The following ZNF28 variants were observed in gnomAD, a reference collection of about 807,000 sequenced individuals.
ZNF28 encodes the protein zinc finger protein KOX24.
In ZNF28, 5 loss-of-function variants were observed where a neutral mutation model predicts 7.2. That is an observed-to-expected ratio of 0.70 (90% CI 0.36 to 1.46). The LOEUF (loss-of-function observed/expected upper bound fraction) is 1.46, where lower values mean the gene tolerates loss of function less well. Among genes scored for constraint, ZNF28 ranks in the 40% most tolerant of loss-of-function variants. The pLI is 0.03. For synonymous variants in ZNF28, 288 were observed against 292.4 expected (o/e 0.99, Z 0.15); for missense variants, 879 against 866.6 (o/e 1.01, Z -0.18).
At chr19:52,818,195 C>T (rs141913353) in intron 1 of ZNF28, among the ~76,000 whole-genome samples, 164 bp from the exon 2 acceptor site, 3,690 of 152,286 alleles carry the variant, frequency 0.024, 75 homozygotes, top group Non-Finnish European at 0.038. Flanking sequence ...CCACTCTACT[C>T]CTGGAGAAGC....
intron 2 of ZNF28, among the ~76,000 whole-genome samples, chr19:52,809,259 C>T (rs4802999): frequency 0.87 from 132,459 of 151,612 alleles, 58,101 homozygotes; most frequent in East Asian, 0.91. Flanking sequence ...GTAATGCGGA[C>T]GTGCACAGAG....
chr19:52,811,062 G>GT (rs751626547), intron 2 of ZNF28, among the ~76,000 whole-genome samples: 2,883 of 142,112 alleles, frequency 0.02, 31 homozygotes, highest in Non-Finnish European at 0.025. Context: ...ACTGGTTTTC[G>GT]TTTTTTTTTT....
At chr19:52,807,610 G>A (rs531247817) in intron 3 of ZNF28, among the ~76,000 whole-genome samples, 1 of 152,294 alleles carries the variant, frequency 6.6e-6, no homozygotes, top group African/African-American at 2.4e-5. Context: ...TAGGAGCTGG[G>A]ATTACACATA....
intron 2 of ZNF28, among the ~76,000 whole-genome samples, chr19:52,817,723 C>A (rs1211133678): frequency 6.6e-6 from 1 of 152,096 alleles, no homozygotes; most frequent in Non-Finnish European, 1.5e-5. Flanking sequence ...GGGTGTGAGA[C>A]CTTCCCAGGA....
At chr19:52,808,399 T>G (rs2062965077) in intron 2 of ZNF28, among the ~76,000 whole-genome samples, 1 of 152,170 alleles carries the variant, frequency 6.6e-6, no homozygotes, top group East Asian at 1.9e-4. Context: ...TGTTTGAAAC[T>G]TTTATAGACA....
chr19:52,802,780 C>T (rs1302954534), intron 3 of ZNF28, among the ~76,000 whole-genome samples: 9 of 80,184 alleles, frequency 1.1e-4, no homozygotes, highest in African/African-American at 2.4e-4. Context: ...TTTTTTTTTG[C>T]GACGAAATCT....
intron 3 of ZNF28, among the ~76,000 whole-genome samples, 173 bp from the exon 4 acceptor site, chr19:52,801,875 TG>T (rs1179229099): frequency 6.6e-6 from 1 of 152,214 alleles, no homozygotes; most frequent in Non-Finnish European, 1.5e-5. Flanking sequence ...GGCGATTATA[TG>T]TCTTTCAAAT....
Position 52,800,601 on chromosome 19 carries a change from A to G in ZNF28, c.1244T>C (p.Val415Ala), listed in dbSNP as rs759015183. ...ATTATATGCAAAAGCCTTGTCACAA[A>G]CCTTACATTTGTATGGTTTCTCTCC... ...HTGEKPYKCK[V>A]CDKAFAYNSY... Residue 415 changes from valine to alanine, a missense_variant, in exon 4 of 4, where the codon GTT becomes GCT. By Grantham distance (64) the Val-to-Ala change is moderately conservative. This residue lies in a region of ZNF28 where 864 missense variants were observed against 830.2 expected (regional missense o/e 1.04). Transcript: ENST00000457749. 1.2e-6 allele frequency: 2 copies of G among 1,612,538 alleles called. No homozygotes were observed. The highest frequency in any genetic ancestry group is 2.2e-5 in the South Asian group (2 of 91,028).
At position 52,817,945 on chromosome 19, in the gene ZNF28, T is replaced by C; in HGVS notation, c.14A>G (p.Gln5Arg). Reference protein sequence around the residue: MALPQGLLTFRDVAI... With the variant: MALPRGLLTFRDVAI... ...AATCCACCGAGAATACCATCTCACC[T>C]GAGGAAGAGCCATCCCTGACTCCTT... Residue 5 changes from glutamine (Q) to arginine (R), a missense_variant and splice_region_variant, in exon 2 of 4, where the codon CAG becomes CGG. By Grantham distance (43) the Gln-to-Arg change is conservative. This residue lies in a region of ZNF28 where 864 missense variants were observed against 830.2 expected (regional missense o/e 1.04). Coordinates refer to ENST00000457749, the MANE Select transcript of ZNF28 (RefSeq NM_006969.5). 6.2e-7 allele frequency: 1 copy of C among 1,610,842 alleles called. No individual in the cohort carries two copies. The highest frequency in any genetic ancestry group is 8.5e-7 in the Non-Finnish European group (1 of 1,179,810).
chr19:52,801,382 G>A lies in ZNF28; in HGVS notation c.463C>T (p.Gln155Ter). The A allele has an allele frequency of 6.2e-7, 1 of 1,614,220 alleles. No individual in the cohort carries two copies. The highest frequency in any genetic ancestry group is 8.5e-7 in the Non-Finnish European group (1 of 1,180,040). Reference protein sequence around the residue: ...HSHLPELHIFQPEGKIGNQVE... With the variant: ...HSHLPELHIF ...TGATTACCAATTTTCCCTTCAGGCT[G>A]AAATATGTGCAGTTCAGGCAGATGC... Residue 155 changes from glutamine to a stop codon, truncating the protein, a stop_gained, in exon 4 of 4, where the codon CAG (glutamine) becomes TAG (stop). Transcript: ENST00000457749. LOFTEE classifies it low-confidence loss of function (END_TRUNC).
At chr19:52,806,096 A>T (rs780414300) in intron 3 of ZNF28, 1 of 152,230 alleles carries the variant, frequency 6.6e-6, no homozygotes, top group Non-Finnish European at 1.5e-5. Context: ...AACACTGTAC[A>T]TATATGTTAA....
intron 2 of ZNF28, among the ~76,000 whole-genome samples, chr19:52,817,344 C>T (rs2063139982): frequency 6.6e-6 from 1 of 151,948 alleles, no homozygotes; most frequent in Non-Finnish European, 1.5e-5. Context: ...TGCACTCCAG[C>T]CTGGATAACA....
chr19:52,800,265 T>G lies in ZNF28; in HGVS notation c.1580A>C (p.Glu527Ala), dbSNP rs1436814960. Residue 527 changes from glutamate to alanine, a missense_variant, in exon 4 of 4, where the codon GAA becomes GCA. Glu to Ala is a moderately radical substitution (Grantham distance 107). This residue lies in a region of ZNF28 where 864 missense variants were observed against 830.2 expected (regional missense o/e 1.04). Coordinates refer to ENST00000457749, the MANE Select transcript of ZNF28 (RefSeq NM_006969.5). ...HTGEKPYMCNECGKVFSTKAN... is the reference protein window; with the variant it reads ...HTGEKPYMCNACGKVFSTKAN... ...TTTTGTACTAAAAACCTTGCCACAT[T>G]CATTACACATGTATGGTTTCTCTCC... The G allele has an allele frequency of 1.9e-6, 3 of 1,613,552 alleles. No homozygotes were observed. Among genetic ancestry groups the G allele is most frequent in the Non-Finnish European group, 2.5e-6 (3 of 1,179,854 alleles).
Position 52,818,283 on chromosome 19 carries a change from A to G in ZNF28, c.-73-252T>C, listed in dbSNP as rs114137827. 8.9e-3 allele frequency among the ~76,000 whole-genome samples: 1,346 copies of G among 152,090 alleles called. 24 individuals carry two copies. Among genetic ancestry groups the G allele is most frequent in the African/African-American group, 0.031 (1,273 of 41,488 alleles). ...GGAAATCTCTACCATAAATACAAAAACTTAGCCAGATATGGTGGTGCGCAT... is the reference window on the plus strand; with the variant it reads ...GGAAATCTCTACCATAAATACAAAAGCTTAGCCAGATATGGTGGTGCGCAT... On this transcript the variant is annotated intron_variant, in intron 1 of 3. Transcript: ENST00000457749.
At chr19:52,810,000 G>A (rs954523897) in intron 2 of ZNF28, 1 of 763,854 alleles carries the variant, frequency 1.3e-6, no homozygotes, top group Non-Finnish European at 2.3e-6. Context: ...GGAGCCTGAG[G>A]AGCTGCTGTT....
rs967793926 is a variant in ZNF28, at chr19:52,809,997, G to A, written c.16-1864C>T. 4 of 764,632 alleles carry A rather than the reference G, an allele frequency of 5.2e-6. 1 individual carries two copies. The highest frequency in any genetic ancestry group is 1.5e-5 in the South Asian group (1 of 68,592). 47.4% of individuals were successfully genotyped at this position (764,632 alleles called of 1,614,324 possible). A position where few individuals can be genotyped will look rare whatever the true frequency, so the allele number is the denominator to read the frequency against. ...CCTGGAGTCTGAGGAACTGGAGCCT[G>A]AGGAGCTGCTGTTGGAGCCGGAGCC... On this transcript the variant is annotated intron_variant, in intron 2 of 3. Coordinates refer to ENST00000457749, the MANE Select transcript of ZNF28 (RefSeq NM_006969.5).
intron 3 of ZNF28, among the ~76,000 whole-genome samples, chr19:52,804,070 C>T (rs1258054030): frequency 1.3e-5 from 2 of 152,118 alleles, no homozygotes; most frequent in Non-Finnish European, 1.5e-5. Flanking sequence ...GCATGGGTGT[C>T]GACTACTCAT....
Position 52,800,207 on chromosome 19 carries a change from A to T in ZNF28, c.1638T>A (p.Thr546=), listed in dbSNP as rs1385093314. 3.1e-6 allele frequency: 5 copies of T among 1,613,486 alleles called. No individual in the cohort carries two copies. The Admixed American group carries it at 6.7e-5, about 22-fold the overall frequency. ...ANLACHHKLH[T]AEKPYKCEEC... Reference sequence around the variant, plus strand: ...CTTCACATTTGTACGGTTTCTCTGCAGTATGAAGTTTATGATGACATGCAA... The same window carrying T: ...CTTCACATTTGTACGGTTTCTCTGCTGTATGAAGTTTATGATGACATGCAA... The change falls in exon 4 of 4, where the codon ACT becomes ACA. Residue 546 remains threonine, a synonymous_variant. Transcript: ENST00000457749.
intron 2 of ZNF28, among the ~76,000 whole-genome samples, chr19:52,816,164 G>A (rs112129227): frequency 0.011 from 1,560 of 146,744 alleles, 248 homozygotes; most frequent in African/African-American, 0.039. Flanking sequence ...AGCTTTGCTT[G>A]GAGTTTTACC....
Sources: gnomAD v4.1 joint callset for allele counts (sites outside exome capture counted in the v4.1 genomes callset) on GRCh38, gnomAD v4.1.1 for gene constraint, gnomAD v4.1.1 regional missense constraint, MANE v1.5 for transcripts, NCBI Gene and HGNC (gene_info 2026-07-23, HGNC 2026-07-21) for gene names.